Variants in ZFHX3 observed in about 807,000 individuals in gnomAD.
ZFHX3 encodes zinc finger homeobox protein 3.
A neutral mutation model predicts 279.1 loss-of-function variants in ZFHX3; 42 were observed. The ratio of observed to expected loss-of-function variants is 0.15; its 90% confidence interval spans 0.12 to 0.19. ZFHX3 has a LOEUF of 0.19. Ranked by LOEUF, ZFHX3 falls within the 10% of genes least tolerant of loss-of-function variation. The pLI is 1.00. For synonymous variants in ZFHX3, 2,293 were observed against 1,957.8 expected, an observed-to-expected ratio of 1.17 and a Z score of -4.52; for missense variants, 4,981 against 4,754.0, an observed-to-expected ratio of 1.05 and a Z score of -1.40.
intron 4 of ZFHX3, among the ~76,000 whole-genome samples, chr16:72,838,009 G>A (rs2037239889): frequency 6.6e-6 from 1 of 152,226 alleles, no homozygotes; most frequent in South Asian, 2.1e-4. Context: ...ACAGCGCCTG[G>A]AGTTTCTGGA....
At chr16:73,473,365 A>AGC (rs1555519254) in intron 2 of ZFHX3, among the ~76,000 whole-genome samples, 156 of 130,182 alleles carry the variant, frequency 1.2e-3, no homozygotes, top group Admixed American at 3.2e-3. Context: ...AAACAAAAAA[A>AGC]AAAAAAACAA....
At chr16:72,950,329 C>G in intron 3 of ZFHX3, 140 bp downstream of exon 3, 2 of 1,341,832 alleles carry the variant, frequency 1.5e-6, no homozygotes, top group Non-Finnish European at 2.0e-6. Flanking sequence ...CGACTCTCCT[C>G]TCAACTCCAG....
intron 5 of ZFHX3, among the ~76,000 whole-genome samples, chr16:73,146,978 C>T (rs973185876): frequency 6.6e-6 from 1 of 152,104 alleles, no homozygotes; most frequent in Non-Finnish European, 1.5e-5. Context: ...GTTCTTAAGC[C>T]TCTTATTAAT....
At chr16:73,144,219 T>C (rs1451289157) in intron 5 of ZFHX3, 1 of 158,278 alleles carries the variant, frequency 6.3e-6, no homozygotes, top group Non-Finnish European at 1.4e-5. Context: ...GAAAGTGAAA[T>C]CTTGTACTCA....
chr16:73,682,879 A>C lies in ZFHX3; in HGVS notation c.-1607-2639T>G, dbSNP rs559136670. 1.6e-3 allele frequency among the ~76,000 whole-genome samples: 46 copies of C among 28,012 alleles called. 4 individuals are homozygous for C. Among genetic ancestry groups the C allele is most frequent in the African/African-American group, 5.0e-3 (44 of 8,874 alleles). The allele number at this position is 28,012 out of a possible 152,430, so 18.4% of individuals were successfully genotyped here. A position where few individuals can be genotyped will look rare whatever the true frequency, so the allele number is the denominator to read the frequency against. On this transcript the variant is annotated intron_variant, in intron 1 of 17. Transcript: ENST00000641206. ...GAAAGAAAGAAAGAAAGAAAGAAAGAAAGAAAGAAAGAAAGAAAGAAAGAA... is the reference window on the plus strand; with the variant it reads ...GAAAGAAAGAAAGAAAGAAAGAAAGCAAGAAAGAAAGAAAGAAAGAAAGAA...
chr16:72,942,097 T>A (rs1313290735), intron 3 of ZFHX3, among the ~76,000 whole-genome samples: 3 of 152,224 alleles, frequency 2.0e-5, no homozygotes, highest in Non-Finnish European at 1.5e-5. Context: ...TGTTCCCTTA[T>A]GATTTCCCTT....
intron 3 of ZFHX3, among the ~76,000 whole-genome samples, chr16:73,366,130 A>AAAT (rs1158569390): frequency 6.6e-6 from 1 of 152,254 alleles, no homozygotes; most frequent in Non-Finnish European, 1.5e-5. Flanking sequence ...GGATACTTTA[A>AAAT]AAGAATGGAA....
intron 3 of ZFHX3, among the ~76,000 whole-genome samples, chr16:73,436,494 C>A (rs1185975466): frequency 2.0e-5 from 3 of 152,124 alleles, no homozygotes; most frequent in Non-Finnish European, 4.4e-5. Flanking sequence ...TATTCATTAC[C>A]AGGAGAACAG....
chr16:73,858,414 G>C (rs370617046), intron 1 of ZFHX3, among the ~76,000 whole-genome samples: 13 of 152,268 alleles, frequency 8.5e-5, no homozygotes, highest in Admixed American at 7.2e-4. Context: ...ATTTCCATCC[G>C]TAACAATGGC....
At chr16:73,837,793 C>A (rs911827206) in intron 1 of ZFHX3, among the ~76,000 whole-genome samples, 11 of 152,180 alleles carry the variant, frequency 7.2e-5, no homozygotes, top group Non-Finnish European at 1.6e-4. Context: ...TGCGCCACCA[C>A]GCCCGGCTAA....
intron 1 of ZFHX3, among the ~76,000 whole-genome samples, chr16:72,997,513 A>G (rs1162848163): frequency 6.6e-6 from 1 of 152,056 alleles, no homozygotes; most frequent in African/African-American, 2.4e-5. Flanking sequence ...CTGTCTCCTC[A>G]CTTTCCAGTC....
intron 4 of ZFHX3, among the ~76,000 whole-genome samples, chr16:73,300,966 G>A (rs1373802833): frequency 6.6e-6 from 1 of 152,216 alleles, no homozygotes; most frequent in East Asian, 1.9e-4. Flanking sequence ...CATTGCTGTG[G>A]GCTGTGTCAG....
At chr16:73,765,041 CTTCCTCT>C (rs1166148927) in intron 1 of ZFHX3, among the ~76,000 whole-genome samples, 1 of 152,190 alleles carries the variant, frequency 6.6e-6, no homozygotes, top group Non-Finnish European at 1.5e-5. Flanking sequence ...AACTTTATTT[CTTCCTCT>C]TTCCTCTTCC....
At chr16:73,229,901 A>T (rs1307558076) in intron 5 of ZFHX3, among the ~76,000 whole-genome samples, 1 of 152,216 alleles carries the variant, frequency 6.6e-6, no homozygotes, top group African/African-American at 2.4e-5. Flanking sequence ...TACAGCTAAC[A>T]AAAGGCACAA....
At chr16:73,034,615 C>T (rs1016935834) in intron 1 of ZFHX3, among the ~76,000 whole-genome samples, 1 of 152,218 alleles carries the variant, frequency 6.6e-6, no homozygotes, top group Non-Finnish European at 1.5e-5. Flanking sequence ...TAGAGGCTCC[C>T]TGCAGCCCTG....
chr16:72,914,026 C>A (rs2039382422), intron 3 of ZFHX3, among the ~76,000 whole-genome samples: 1 of 152,230 alleles, frequency 6.6e-6, no homozygotes, highest in Non-Finnish European at 1.5e-5. Flanking sequence ...GAGGTTAAAT[C>A]ACTTGCTCGT....
intron 1 of ZFHX3, among the ~76,000 whole-genome samples, chr16:73,800,985 C>T (rs996530154): frequency 2.6e-5 from 4 of 152,148 alleles, no homozygotes; most frequent in African/African-American, 9.7e-5. Flanking sequence ...GAGGCTCCTC[C>T]CTTTAGAGTG....
rs1323228407 is a variant in ZFHX3, at chr16:73,568,448, C to G, written c.-1547+111732G>C. ...GCCAAAACAGGAACATGCATTCCCC[C>G]ACAATGGGATGGGTGATTTGCCAAA... On this transcript the variant is annotated intron_variant, in intron 2 of 17. Transcript: ENST00000641206. 3.3e-5 allele frequency among the ~76,000 whole-genome samples: 5 copies of G among 152,174 alleles called. No homozygotes were observed. In the East Asian group the frequency reaches 7.7e-4, roughly 23 times the overall value.
chr16:72,864,909 T>C (rs1187936806), intron 4 of ZFHX3, among the ~76,000 whole-genome samples: 1 of 152,128 alleles, frequency 6.6e-6, no homozygotes, highest in Non-Finnish European at 1.5e-5. Context: ...ACCTGAAAAA[T>C]GAGACTGTCC....
Sources: allele counts gnomAD v4.1 joint callset (sites outside exome capture counted in the v4.1 genomes callset), GRCh38; gene constraint gnomAD v4.1.1; transcripts MANE v1.5; gene names NCBI Gene and HGNC (gene_info 2026-07-23, HGNC 2026-07-21).